Variants in PEAK1 observed in about 807,000 individuals in gnomAD.
PEAK1 encodes the protein inactive tyrosine-protein kinase PEAK1.
PEAK1 carries 54 observed loss-of-function variants against 124.7 expected under a neutral mutation model. The ratio of observed to expected loss-of-function variants is 0.43; its 90% confidence interval spans 0.35 to 0.54. The LOEUF is 0.54. PEAK1 is among the 20% of genes least tolerant of loss of function. The pLI is 0.01. For missense variants in PEAK1, 2,046 were observed against 2,134.5 expected (o/e 0.96, Z 0.82); for synonymous variants, 719 against 760.0 (o/e 0.95, Z 0.89).
chr15:77,395,996 TA>T (rs1446367180), intron 1 of PEAK1, among the ~76,000 whole-genome samples: 3 of 152,072 alleles, frequency 2.0e-5, no homozygotes, highest in African/African-American at 7.2e-5. Flanking sequence ...CGATCAAAAA[TA>T]ATAACTATAA....
At chr15:77,175,216 C>T (rs1368580713) in intron 7 of PEAK1, among the ~76,000 whole-genome samples, 2 of 151,800 alleles carry the variant, frequency 1.3e-5, no homozygotes, top group Admixed American at 1.3e-4. Flanking sequence ...TCTAAAACAC[C>T]AAAAGCAATG....
intron 2 of PEAK1, chr15:77,345,966 G>A: frequency 1.0e-6 from 1 of 985,250 alleles, no homozygotes; most frequent in Non-Finnish European, 1.2e-6. Context: ...GGTCTATCAT[G>A]GTCAAAAAGA....
chr15:77,350,730 A>G (rs1289203460), intron 2 of PEAK1: 1 of 985,248 alleles, frequency 1.0e-6, no homozygotes, highest in Non-Finnish European at 1.2e-6. Flanking sequence ...AATCAGAATG[A>G]TCATGCTGAA....
chr15:77,350,588 A>G (rs2141434299), intron 2 of PEAK1: 1 of 953,470 alleles, frequency 1.0e-6, no homozygotes. Context: ...AATAGTAAGT[A>G]TATGTGTGTT....
At chr15:77,257,645 A>T (rs866504665) in intron 5 of PEAK1, among the ~76,000 whole-genome samples, 2 of 151,450 alleles carry the variant, frequency 1.3e-5, no homozygotes, top group Non-Finnish European at 2.9e-5. Flanking sequence ...TCAGATGAGT[A>T]GGTTGCAAAA....
intron 8 of PEAK1, among the ~76,000 whole-genome samples, chr15:77,150,257 A>AATTTTACAAGAATTTAGT (rs2054488745): frequency 6.6e-6 from 1 of 152,218 alleles, no homozygotes; most frequent in African/African-American, 2.4e-5. Flanking sequence ...TTAGTGATTA[A>AATTTTACAAGAATTTAGT]GGACATTAAA....
rs1482469246 is a variant in PEAK1 at position 77,197,538 on chromosome 15, T to G, written c.-114-15498A>C. On this transcript the variant is annotated intron_variant, in intron 6 of 9. Coordinates refer to ENST00000682557, the MANE Select transcript of PEAK1 (RefSeq NM_001385026.1). ...TGATAGATTTCTGTTATTTTTAAAT[T>G]TTTGGTTCTACCTTTACCTTTTTTC... 2.0e-5 allele frequency among the ~76,000 whole-genome samples: 3 copies of G among 152,292 alleles called. No homozygotes were observed. The East Asian group carries it at 5.8e-4, about 29-fold the overall frequency.
In PEAK1 at chr15:77,133,055, A is replaced by G; in HGVS notation, c.4027T>C (p.Tyr1343His). 1 of 1,614,166 alleles carries G rather than the reference A, an allele frequency of 6.2e-7. No individual in the cohort carries two copies. The highest frequency in any genetic ancestry group is 1.3e-5 in the African/African-American group (1 of 75,064). Reference sequence around the variant, plus strand: ...TCTTTTGCATATGAAGCAGTATAGTAAACCGCATCACCTGCCTCACAACAT... The same window carrying G: ...TCTTTTGCATATGAAGCAGTATAGTGAACCGCATCACCTGCCTCACAACAT... Reference protein sequence around the residue: ...KPCCEAGDAVYYTASYAKDPL... With the variant: ...KPCCEAGDAVHYTASYAKDPL... Residue 1343 changes from tyrosine to histidine, a missense_variant, in exon 9 of 10, where the codon TAC (tyrosine) becomes CAC (histidine). Transcript: ENST00000682557. This position sits in a 1 kb window ranked among gnomAD's most constrained non-coding sequence, Gnocchi z 4.2.
At chr15:77,403,012 T>G in intron 1 of PEAK1, 1 of 985,342 alleles carries the variant, frequency 1.0e-6, no homozygotes, top group Non-Finnish European at 1.2e-6. Flanking sequence ...TTTGTTATAC[T>G]TCCACTCTAA....
At chr15:77,140,049 T>C (rs1319143526) in intron 8 of PEAK1, among the ~76,000 whole-genome samples, 2 of 152,070 alleles carry the variant, frequency 1.3e-5, no homozygotes, top group African/African-American at 4.8e-5. Flanking sequence ...AGACAGAAAG[T>C]AGTAAAATTG....
chr15:77,307,472 G>A (rs546123483), intron 2 of PEAK1, among the ~76,000 whole-genome samples: 1 of 151,924 alleles, frequency 6.6e-6, no homozygotes, highest in African/African-American at 2.4e-5. Flanking sequence ...CAAACATTTG[G>A]GTTAATAAAA....
rs1219554903 is a variant in PEAK1 at position 77,179,897 on chromosome 15, T to C, written c.2030A>G (p.Asn677Ser). The change falls in exon 7 of 10, where the codon AAC becomes AGC. Residue 677 changes from asparagine to serine, a missense_variant. Transcript: ENST00000682557. ...ACAGTCAGTGGTTTTGCTAGTGGTG[T>C]TATCAGGCACTTTGCTTTCTGTTTC... ...EIETESKVPD[N>S]TTSKTTDCLQ... 4 of 1,614,198 alleles carry C rather than the reference T, an allele frequency of 2.5e-6. No homozygotes were observed. The highest frequency in any genetic ancestry group is 1.3e-5 in the African/African-American group (1 of 75,066).
chr15:77,402,465 G>T (rs2071455312), intron 1 of PEAK1: 1 of 983,584 alleles, frequency 1.0e-6, no homozygotes. Context: ...TTAGTAATGT[G>T]CCATATTTTC....
chr15:77,366,220 G>A (rs950401926), intron 1 of PEAK1, among the ~76,000 whole-genome samples: 6 of 152,078 alleles, frequency 3.9e-5, no homozygotes, highest in African/African-American at 1.4e-4. Flanking sequence ...GTACACAGAC[G>A]TGATGTTACA....
chr15:77,353,422 A>G (rs1483965883), intron 2 of PEAK1, among the ~76,000 whole-genome samples: 1 of 152,202 alleles, frequency 6.6e-6, no homozygotes. Flanking sequence ...AAAAGATGCG[A>G]CACTGGTTTC....
intron 1 of PEAK1, among the ~76,000 whole-genome samples, chr15:77,399,524 C>T (rs1478556284): frequency 6.6e-6 from 1 of 152,138 alleles, no homozygotes; most frequent in African/African-American, 2.4e-5. Flanking sequence ...CATACATCTA[C>T]AGTGAACTCA....
In PEAK1 at chr15:77,253,647, T is replaced by C. The variant is rs918989425; in HGVS notation, c.-274-1121A>G. 1.1e-4 allele frequency among the ~76,000 whole-genome samples: 17 copies of C among 152,324 alleles called. No homozygotes were observed. The Middle Eastern group carries it at 0.01, about 91-fold the overall frequency. ...AATGATATTTTCATTGGATATTGCA[T>C]TGTGACCTAAAGGTTTTGTTTTTTC... is the stretch of plus-strand genomic sequence containing the variant. On this transcript the variant is annotated intron_variant, in intron 5 of 9. Transcript: ENST00000682557.
intron 6 of PEAK1, among the ~76,000 whole-genome samples, chr15:77,241,863 T>C (rs2060373690): frequency 6.6e-6 from 1 of 152,102 alleles, no homozygotes; most frequent in African/African-American, 2.4e-5. Flanking sequence ...ACTATGTTCA[T>C]CAACTGGAAG....
At chr15:77,130,221 G>A (rs1332840195) in intron 9 of PEAK1, among the ~76,000 whole-genome samples, 1 of 152,150 alleles carries the variant, frequency 6.6e-6, no homozygotes, top group Non-Finnish European at 1.5e-5. Context: ...ATAGTTCAAT[G>A]TCCCTTTCTG....
Sources: gnomAD v4.1 joint callset for allele counts (sites outside exome capture counted in the v4.1 genomes callset) on GRCh38, gnomAD v4.1.1 for gene constraint, Gnocchi (gnomAD v3.1) non-coding constraint, MANE v1.5 for transcripts, NCBI Gene and HGNC (gene_info 2026-07-23, HGNC 2026-07-21) for gene names.